The following FOXP1 variants were observed in gnomAD, a reference collection of about 807,000 sequenced individuals.
The protein encoded by FOXP1 is forkhead box P1.
FOXP1 carries 15 observed loss-of-function variants against 98.2 expected under a neutral mutation model. The observed-to-expected ratio is 0.15, with a 90% CI of 0.10 to 0.24. The LOEUF is 0.24. Ranked by LOEUF, FOXP1 falls within the 10% of genes least tolerant of loss-of-function variation. FOXP1 has a pLI of 1.00. For missense variants in FOXP1, 633 were observed against 848.5 expected, an observed-to-expected ratio of 0.75 and a Z score of 3.15; for synonymous variants, 371 against 314.5, an observed-to-expected ratio of 1.18 and a Z score of -1.90.
At chr3:71,266,133 G>C (rs1425120338) in intron 5 of FOXP1, among the ~76,000 whole-genome samples, 1 of 152,164 alleles carries the variant, frequency 6.6e-6, no homozygotes, top group Admixed American at 6.5e-5. Flanking sequence ...GAGAGAAAGA[G>C]AGTACATAGG....
At chr3:71,102,819 G>T (rs1254678986) in intron 7 of FOXP1, among the ~76,000 whole-genome samples, 1 of 152,138 alleles carries the variant, frequency 6.6e-6, no homozygotes, top group Non-Finnish European at 1.5e-5. Context: ...AGAGTGTAAT[G>T]GATGAAAGCA....
intron 3 of FOXP1, among the ~76,000 whole-genome samples, chr3:71,462,408 A>T (rs1173983690): frequency 6.6e-6 from 1 of 152,200 alleles, no homozygotes; most frequent in Admixed American, 6.5e-5. Context: ...ACTTCAAACA[A>T]CACCTTCCAC....
At chr3:71,559,188 T>A (rs1331867282) in intron 2 of FOXP1, among the ~76,000 whole-genome samples, 2 of 152,146 alleles carry the variant, frequency 1.3e-5, no homozygotes, top group Non-Finnish European at 1.5e-5. Flanking sequence ...CAGGAATCAC[T>A]GAGAACTCAA....
chr3:71,232,636 T>G (rs754597661), intron 5 of FOXP1, among the ~76,000 whole-genome samples: 1 of 151,750 alleles, frequency 6.6e-6, no homozygotes, highest in Non-Finnish European at 1.5e-5. Flanking sequence ...TGGTGGCTCA[T>G]GCCTGTAATC....
chr3:71,216,516 G>C (rs1286862420), intron 5 of FOXP1, among the ~76,000 whole-genome samples: 1 of 152,102 alleles, frequency 6.6e-6, no homozygotes, highest in Non-Finnish European at 1.5e-5. Flanking sequence ...AGATCTTAAG[G>C]TATAGTAGCC....
chr3:71,439,917 C>T (rs1416154179), intron 3 of FOXP1, among the ~76,000 whole-genome samples: 4 of 142,832 alleles, frequency 2.8e-5, no homozygotes, highest in African/African-American at 1.1e-4. Context: ...TTGCACACTC[C>T]AGCCTGGGCG....
intron 3 of FOXP1, among the ~76,000 whole-genome samples, chr3:71,448,631 T>G (rs1230400584): frequency 1.3e-5 from 2 of 152,166 alleles, no homozygotes; most frequent in African/African-American, 4.8e-5. Flanking sequence ...AAAGGAGTTT[T>G]CCTTAAGAAT....
chr3:71,193,968 C>T (rs548652005), intron 6 of FOXP1, among the ~76,000 whole-genome samples: 4 of 152,332 alleles, frequency 2.6e-5, no homozygotes, highest in African/African-American at 9.6e-5. Context: ...CACATTTTCT[C>T]TCCTTCTTTT....
chr3:71,363,556 A>C (rs2107927893), intron 3 of FOXP1, among the ~76,000 whole-genome samples: 1 of 152,348 alleles, frequency 6.6e-6, no homozygotes, highest in East Asian at 1.9e-4. Flanking sequence ...AAATTGTTCC[A>C]AACCAGCACG....
At chr3:71,055,466 A>G (rs2050494270) in intron 7 of FOXP1, among the ~76,000 whole-genome samples, 1 of 152,214 alleles carries the variant, frequency 6.6e-6, no homozygotes. Context: ...ATGTCTGAAT[A>G]TTTTCATATG....
chr3:71,450,236 T>C (rs1453599788), intron 3 of FOXP1, among the ~76,000 whole-genome samples: 3 of 152,358 alleles, frequency 2.0e-5, no homozygotes, highest in Admixed American at 1.3e-4. Flanking sequence ...ACAAATAGAT[T>C]CACAACTAAA....
rs140049354 is a variant in FOXP1 at position 71,075,548 on chromosome 3, C to T, written c.283-21775G>A. ...AGAAGACATTTGGTTGTTTTTTAACCAGGGTCACTAGACCAAGAATCATCT... is the reference window on the plus strand; with the variant it reads ...AGAAGACATTTGGTTGTTTTTTAACTAGGGTCACTAGACCAAGAATCATCT... On this transcript the variant is annotated intron_variant, in intron 7 of 20. Transcript: ENST00000649528. 1.8e-3 allele frequency among the ~76,000 whole-genome samples: 267 copies of T among 152,220 alleles called. 1 individual carries two copies. Among genetic ancestry groups the T allele is most frequent in the African/African-American group, 6.1e-3 (252 of 41,540 alleles).
intron 5 of FOXP1, among the ~76,000 whole-genome samples, chr3:71,228,412 G>A (rs1243685671): frequency 6.6e-6 from 1 of 151,958 alleles, no homozygotes; most frequent in African/African-American, 2.4e-5. Flanking sequence ...CAGTTACAAT[G>A]AAGGTAAAGG....
chr3:71,356,711 G>A (rs893524659), intron 4 of FOXP1, among the ~76,000 whole-genome samples: 2 of 152,122 alleles, frequency 1.3e-5, no homozygotes, highest in Non-Finnish European at 2.9e-5. Context: ...TGGAAAAGGT[G>A]GAATCTGAGT....
chr3:71,098,541 G>C (rs1199296647), intron 7 of FOXP1, among the ~76,000 whole-genome samples: 2 of 152,012 alleles, frequency 1.3e-5, no homozygotes, highest in African/African-American at 4.8e-5. Context: ...AATGTTTCTA[G>C]GGGCTCGCGA....
chr3:70,982,597 T>C (rs572238850), intron 14 of FOXP1, among the ~76,000 whole-genome samples: 1 of 152,220 alleles, frequency 6.6e-6, no homozygotes, highest in Non-Finnish European at 1.5e-5. Context: ...TGTAGGGTTT[T>C]ATTTTTTAAA....
rs2090955752 is a variant in FOXP1 at position 71,490,091 on chromosome 3, AT to A, written c.-168+3334del. 2.0e-5 allele frequency among the ~76,000 whole-genome samples: 3 copies of A among 152,358 alleles called. No individual in the cohort carries two copies. The South Asian group carries it at 6.2e-4, about 32-fold the overall frequency. ...CTAAAAGGCACAGGACTGTGAATAAATGTTTGACAATGGAATGACTAACTAT... is the reference window on the plus strand; with the variant it reads ...CTAAAAGGCACAGGACTGTGAATAAAGTTTGACAATGGAATGACTAACTAT... On this transcript the variant is annotated intron_variant, in intron 3 of 20. Transcript: ENST00000649528.
At chr3:71,032,464 A>G (rs2047002007) in intron 11 of FOXP1, among the ~76,000 whole-genome samples, 1 of 152,340 alleles carries the variant, frequency 6.6e-6, no homozygotes, top group Admixed American at 6.5e-5. Flanking sequence ...AACACATATT[A>G]ACAATTTCCC....
chr3:71,445,003 G>A (rs963898326), intron 3 of FOXP1, among the ~76,000 whole-genome samples: 1 of 152,176 alleles, frequency 6.6e-6, no homozygotes, highest in African/African-American at 2.4e-5. Flanking sequence ...GGCCGGGCAG[G>A]GGAAGATGTG....
Sources: allele counts gnomAD v4.1 joint callset (sites outside exome capture counted in the v4.1 genomes callset), GRCh38; gene constraint gnomAD v4.1.1; transcripts MANE v1.5; gene names NCBI Gene and HGNC (gene_info 2026-07-23, HGNC 2026-07-21).